Variants in SLC8A1 observed in about 807,000 individuals in gnomAD.
SLC8A1 encodes sodium/calcium exchanger 1.
A neutral mutation model predicts 68.3 loss-of-function variants in SLC8A1; 18 were observed. The observed-to-expected ratio is 0.26, with a 90% CI of 0.18 to 0.39. The LOEUF (loss-of-function observed/expected upper bound fraction) is 0.39. Among genes scored for constraint, SLC8A1 ranks in the 10% least tolerant of loss-of-function variants. The probability of loss-of-function intolerance (pLI) is 1.00; values close to 1 mark genes in which losing one functional copy is unlikely to be tolerated. For synonymous variants in SLC8A1, 475 were observed against 415.5 expected (o/e 1.14, Z -1.74); for missense variants, 985 against 1,156.7 (o/e 0.85, Z 2.15).
intron 2 of SLC8A1, among the ~76,000 whole-genome samples, chr2:40,337,149 C>T (rs1420222671): frequency 2.6e-5 from 4 of 152,002 alleles, no homozygotes; most frequent in South Asian, 2.1e-4. Context: ...AATGTGCTGA[C>T]CATAGTTTAC....
At chr2:40,327,143 T>C (rs924441286) in intron 2 of SLC8A1, among the ~76,000 whole-genome samples, 1 of 152,226 alleles carries the variant, frequency 6.6e-6, no homozygotes, top group Non-Finnish European at 1.5e-5. Context: ...CATATGCATG[T>C]TATACATTTG....
chr2:40,419,425 T>C (rs895981497), intron 2 of SLC8A1, among the ~76,000 whole-genome samples: 1 of 152,080 alleles, frequency 6.6e-6, no homozygotes, highest in Non-Finnish European at 1.5e-5. Flanking sequence ...ACAGCAGAAA[T>C]CTAATCAGGG....
At chr2:40,453,382 T>C (rs1405442390), upstream of SLC8A1, 1 of 152,168 alleles carries the variant, frequency 6.6e-6, no homozygotes, top group Non-Finnish European at 1.5e-5. Flanking sequence ...TTAGTTTTTT[T>C]TCGTGGAGAC....
chr2:40,340,842 T>C (rs941703537), intron 2 of SLC8A1, among the ~76,000 whole-genome samples: 1 of 152,092 alleles, frequency 6.6e-6, no homozygotes, highest in Non-Finnish European at 1.5e-5. Context: ...TTGAAGGAGT[T>C]ATTTCAGAGA....
At chr2:40,469,483 A>G (rs916330406) in intron 1 of SLC8A1, among the ~76,000 whole-genome samples, 3 of 152,182 alleles carry the variant, frequency 2.0e-5, no homozygotes, top group African/African-American at 7.2e-5. Flanking sequence ...CAAGTCAATT[A>G]AACCTGTTTT....
At chr2:40,119,061 G>A (rs1292468366) in intron 7 of SLC8A1, among the ~76,000 whole-genome samples, 1 of 151,984 alleles carries the variant, frequency 6.6e-6, no homozygotes, top group African/African-American at 2.4e-5. Flanking sequence ...TGACATGGAG[G>A]GCACACCTGG....
intron 2 of SLC8A1, among the ~76,000 whole-genome samples, chr2:40,249,430 T>C (rs988549339): frequency 3.3e-5 from 5 of 152,366 alleles, no homozygotes; most frequent in Middle Eastern, 3.4e-3. Context: ...ATTTAGTCTC[T>C]GTACTTTCAT....
intron 2 of SLC8A1, among the ~76,000 whole-genome samples, chr2:40,269,988 A>G (rs1349630893): frequency 1.3e-5 from 2 of 152,154 alleles, no homozygotes; most frequent in African/African-American, 4.8e-5. Context: ...AGATCCTGAT[A>G]GCTCCTTAAT....
At chr2:40,309,976 C>G (rs1434284252) in intron 2 of SLC8A1, among the ~76,000 whole-genome samples, 1 of 152,192 alleles carries the variant, frequency 6.6e-6, no homozygotes, top group Non-Finnish European at 1.5e-5. Context: ...CCATTCACTC[C>G]TGCTTTCCCT....
chr2:40,294,280 T>C (rs548653765), intron 2 of SLC8A1, among the ~76,000 whole-genome samples: 11 of 152,252 alleles, frequency 7.2e-5, no homozygotes, highest in South Asian at 2.1e-4. Flanking sequence ...TCCTATCATA[T>C]TGATTATTTG....
At chr2:40,149,443 C>G (rs549044012) in intron 6 of SLC8A1, among the ~76,000 whole-genome samples, 3 of 152,042 alleles carry the variant, frequency 2.0e-5, no homozygotes, top group African/African-American at 7.2e-5. Flanking sequence ...ACTGGGAGGC[C>G]GAGAAACCCC....
At chr2:40,307,146 T>TACACACACACACACACACACACAC (rs144335092) in intron 2 of SLC8A1, among the ~76,000 whole-genome samples, 2 of 148,172 alleles carry the variant, frequency 1.3e-5, no homozygotes, top group Non-Finnish European at 1.5e-5. Context: ...AAATGTGATA[T>TACACACACACACACACACACACAC]ACACACACAC....
At chr2:40,316,398 C>A (rs1304112697) in intron 2 of SLC8A1, among the ~76,000 whole-genome samples, 1 of 152,006 alleles carries the variant, frequency 6.6e-6, no homozygotes, top group African/African-American at 2.4e-5. Context: ...AAAAAGCTTA[C>A]TGGAGGATTT....
intron 2 of SLC8A1, among the ~76,000 whole-genome samples, chr2:40,320,681 T>C (rs2075077237): frequency 6.6e-6 from 1 of 152,204 alleles, no homozygotes; most frequent in African/African-American, 2.4e-5. Flanking sequence ...AATGGTTTGA[T>C]GTTAAATGGA....
chr2:40,437,603 G>T (rs369242192), intron 1 of SLC8A1, among the ~76,000 whole-genome samples: 1 of 152,102 alleles, frequency 6.6e-6, no homozygotes, highest in Admixed American at 6.6e-5. Flanking sequence ...GGGAGCCAGG[G>T]AGAATGATAC....
chr2:40,387,683 A>T (rs1488815348), intron 2 of SLC8A1, among the ~76,000 whole-genome samples: 1 of 151,174 alleles, frequency 6.6e-6, no homozygotes, highest in Non-Finnish European at 1.5e-5. Context: ...CATGCCTGTA[A>T]TCCCAAAACA....
At chr2:40,203,968 G>C (rs2054893375) in intron 2 of SLC8A1, among the ~76,000 whole-genome samples, 1 of 151,850 alleles carries the variant, frequency 6.6e-6, no homozygotes, top group South Asian at 2.1e-4. Flanking sequence ...CTCTAGCCTT[G>C]GCCTCCCAAA....
intron 2 of SLC8A1, among the ~76,000 whole-genome samples, chr2:40,347,237 C>G (rs545433685): frequency 6.6e-6 from 1 of 152,186 alleles, no homozygotes; most frequent in Non-Finnish European, 1.5e-5. Flanking sequence ...TGGCCTCAAA[C>G]GATCGTTCCA....
chr2:40,190,196 A>C (rs1273346784), intron 2 of SLC8A1, among the ~76,000 whole-genome samples: 1 of 152,178 alleles, frequency 6.6e-6, no homozygotes, highest in Non-Finnish European at 1.5e-5. Flanking sequence ...CAAGTTTGTC[A>C]TCAAAATAGC....
Sources: gnomAD v4.1 joint callset for allele counts (sites outside exome capture counted in the v4.1 genomes callset) on GRCh38, gnomAD v4.1.1 for gene constraint, MANE v1.5 for transcripts, NCBI Gene and HGNC (gene_info 2026-07-23, HGNC 2026-07-21) for gene names.